The following SLC4A10 variants were observed in gnomAD, a reference collection of about 807,000 sequenced individuals.
SLC4A10 encodes the protein solute carrier family 4 member 10, also known as sodium-driven chloride bicarbonate exchanger.
A neutral mutation model predicts 137.7 loss-of-function variants in SLC4A10; 42 were observed. The observed-to-expected ratio is 0.30, with a 90% CI of 0.24 to 0.39. The LOEUF is 0.39. Ranked by LOEUF, SLC4A10 falls within the 10% of genes least tolerant of loss-of-function variation. The probability of loss-of-function intolerance (pLI) is 1.00; values close to 1 mark genes in which losing one functional copy is unlikely to be tolerated. For missense variants in SLC4A10, 925 were observed against 1,355.0 expected (o/e 0.68, Z 4.98); for synonymous variants, 474 against 464.1 (o/e 1.02, Z -0.27).
intron 15 of SLC4A10, among the ~76,000 whole-genome samples, chr2:161,940,654 C>T (rs1476292367): frequency 6.6e-6 from 1 of 152,152 alleles, no homozygotes; most frequent in Non-Finnish European, 1.5e-5. Flanking sequence ...TAAAGGTATT[C>T]TCAAAAATAA....
intron 5 of SLC4A10, among the ~76,000 whole-genome samples, chr2:161,859,171 C>A (rs533929271): frequency 6.6e-6 from 1 of 152,082 alleles, no homozygotes; most frequent in Non-Finnish European, 1.5e-5. Context: ...TATGTCATAA[C>A]CTCTAGGGGC....
intron 5 of SLC4A10, 40 bp from the exon 6 acceptor site, chr2:161,862,834 G>A (rs772751514): frequency 6.8e-7 from 1 of 1,477,358 alleles, no homozygotes; most frequent in Non-Finnish European, 9.1e-7. Flanking sequence ...ACGTTCTAGA[G>A]GAAAGCTGTG....
rs570437577 is a variant in SLC4A10 at position 161,820,270 on chromosome 2, C to A, written c.277+15675C>A. On this transcript the variant is annotated intron_variant, in intron 3 of 26. Coordinates refer to ENST00000446997, the MANE Select transcript of SLC4A10 (RefSeq NM_001178015.2). ...TGGCTTCCTGTTCCTATTTTAATGA[C>A]CAATTAGGTGCTATATGAGAATATC... Among the ~76,000 whole-genome samples the A allele has an allele frequency of 4.6e-5, 7 of 152,168 alleles. No homozygotes were observed. In the South Asian group the frequency reaches 8.3e-4, roughly 18 times the overall value.
At chr2:161,909,108 G>A in intron 15 of SLC4A10, among the ~76,000 whole-genome samples, 1 of 147,710 alleles carries the variant, frequency 6.8e-6, no homozygotes, top group Admixed American at 6.7e-5. Flanking sequence ...GGGAGGGATA[G>A]CATTAGGAGA....
chr2:161,852,742 A>G (rs2059901314), intron 4 of SLC4A10, among the ~76,000 whole-genome samples: 1 of 152,172 alleles, frequency 6.6e-6, no homozygotes, highest in Non-Finnish European at 1.5e-5. Flanking sequence ...GGAAATGGGC[A>G]CAGGCTCTGG....
intron 1 of SLC4A10, among the ~76,000 whole-genome samples, chr2:161,676,448 C>G (rs999868232): frequency 6.6e-6 from 1 of 152,038 alleles, no homozygotes; most frequent in African/African-American, 2.4e-5. Context: ...TTCTTACTTT[C>G]TATTTCATAT....
At chr2:161,656,835 T>C (rs1249206127) in intron 1 of SLC4A10, among the ~76,000 whole-genome samples, 1 of 152,154 alleles carries the variant, frequency 6.6e-6, no homozygotes, top group Non-Finnish European at 1.5e-5. Context: ...ATATATGTTC[T>C]TTGTTAATAT....
At chr2:161,772,055 A>C (rs2051684349) in intron 2 of SLC4A10, among the ~76,000 whole-genome samples, 2 of 152,004 alleles carry the variant, frequency 1.3e-5, no homozygotes, top group South Asian at 4.1e-4. Flanking sequence ...AATATTTAGA[A>C]ACAACTCTCA....
chr2:161,699,062 C>T (rs561799668), intron 1 of SLC4A10, among the ~76,000 whole-genome samples: 2 of 152,146 alleles, frequency 1.3e-5, no homozygotes, highest in East Asian at 3.9e-4. Context: ...CTCTGTCGCC[C>T]AGGCTGGAGT....
At chr2:161,782,729 C>T (rs1385644630) in intron 2 of SLC4A10, among the ~76,000 whole-genome samples, 1 of 145,816 alleles carries the variant, frequency 6.9e-6, no homozygotes, top group Non-Finnish European at 1.5e-5. Flanking sequence ...GATTCAACAA[C>T]ATACTAGATC....
intron 8 of SLC4A10, among the ~76,000 whole-genome samples, chr2:161,875,412 G>A (rs756146350): frequency 2.2e-4 from 33 of 152,006 alleles, no homozygotes; most frequent in Non-Finnish European, 3.8e-4. Context: ...GAAAAAAAAG[G>A]TCTTTATTCA....
chr2:161,699,241 C>G (rs755830472), intron 1 of SLC4A10, among the ~76,000 whole-genome samples: 3 of 152,086 alleles, frequency 2.0e-5, no homozygotes, highest in Non-Finnish European at 4.4e-5. Flanking sequence ...AAGATGGTCT[C>G]GATCTCCTGA....
intron 1 of SLC4A10, among the ~76,000 whole-genome samples, chr2:161,630,806 G>A (rs2033399527): frequency 1.3e-5 from 2 of 151,712 alleles, no homozygotes; most frequent in Non-Finnish European, 3.0e-5. Flanking sequence ...ATGTTTTCCA[G>A]CCTTGCAGAT....
At chr2:161,719,053 C>G (rs138032300) in intron 1 of SLC4A10, among the ~76,000 whole-genome samples, 2 of 152,172 alleles carry the variant, frequency 1.3e-5, no homozygotes, top group East Asian at 3.9e-4. Flanking sequence ...TCCTTCCCCC[C>G]TCCCCTCACC....
intron 2 of SLC4A10, among the ~76,000 whole-genome samples, chr2:161,791,014 G>A (rs1224413034): frequency 2.6e-5 from 4 of 152,064 alleles, no homozygotes; most frequent in Non-Finnish European, 5.9e-5. Flanking sequence ...TTACACTATT[G>A]GTGGAAACGT....
At chr2:161,971,235 T>C (rs1263844329) in intron 23 of SLC4A10, among the ~76,000 whole-genome samples, 1 of 152,132 alleles carries the variant, frequency 6.6e-6, no homozygotes, top group East Asian at 1.9e-4. Context: ...TGTTCTGGAG[T>C]AGATTTGTTT....
intron 1 of SLC4A10, among the ~76,000 whole-genome samples, chr2:161,674,757 A>C (rs2040102453): frequency 6.6e-6 from 1 of 152,222 alleles, no homozygotes; most frequent in African/African-American, 2.4e-5. Context: ...TTTGTGGAGC[A>C]GCTGCTGGAT....
chr2:161,723,474 C>T (rs539233946), intron 1 of SLC4A10, among the ~76,000 whole-genome samples: 7 of 152,314 alleles, frequency 4.6e-5, no homozygotes, highest in Middle Eastern at 3.4e-3. Flanking sequence ...TTTCATTGTA[C>T]TTCCTTCTGG....
rs538370468 is a variant in SLC4A10, at chr2:161,868,867, A to G, written c.767-3426A>G. 2.6e-5 allele frequency among the ~76,000 whole-genome samples: 4 copies of G among 151,770 alleles called. No homozygotes were observed. The East Asian group carries it at 7.7e-4, about 29-fold the overall frequency. ...ATAGATTACTCAATGTCTTTTTTTC[A>G]TAGTCATCCTCATGCCTCAAAATTT... On this transcript the variant is annotated intron_variant, in intron 6 of 26. Coordinates refer to ENST00000446997, the MANE Select transcript of SLC4A10 (RefSeq NM_001178015.2).
Sources: gnomAD v4.1 joint callset for allele counts (sites outside exome capture counted in the v4.1 genomes callset) on GRCh38, gnomAD v4.1.1 for gene constraint, MANE v1.5 for transcripts, NCBI Gene and HGNC (gene_info 2026-07-23, HGNC 2026-07-21) for gene names.